Variants in MMRN2 observed in about 807,000 individuals in gnomAD.
The protein encoded by MMRN2 is multimerin 2.
In MMRN2, 53 loss-of-function variants were observed where a neutral mutation model predicts 68.8. That is an observed-to-expected ratio of 0.77 (90% CI 0.62 to 0.97). The LOEUF is 0.97. MMRN2 is among the 50% of genes least tolerant of loss of function. MMRN2 has a pLI of 0.00. For synonymous variants in MMRN2, 564 were observed against 551.6 expected (o/e 1.02, Z -0.32); for missense variants, 1,266 against 1,259.5 (o/e 1.01, Z -0.08).
At position 86,945,601 on chromosome 10, in the gene MMRN2, A is replaced by G. The variant is rs1194528297; in HGVS notation, c.253T>C (p.Cys85Arg). 6.2e-7 allele frequency: 1 copy of G among 1,611,190 alleles called. No homozygotes were observed. The highest frequency in any genetic ancestry group is 2.2e-5 in the East Asian group (1 of 44,856). Residue 85 changes from cysteine (C) to arginine (R), a missense_variant, in exon 2 of 7, where the codon TGT (cysteine) becomes CGT (arginine). Coordinates refer to ENST00000372027, the MANE Select transcript of MMRN2 (RefSeq NM_024756.3). Reference protein sequence around the residue: ...EKFLIHSQQPCPQGAPDCQKV... With the variant: ...EKFLIHSQQPRPQGAPDCQKV... Reference sequence around the variant, plus strand: ...TGGCAGTCTGGAGCTCCCTGCGGACACGGCTGCTGCGAGTGGATGAGGAAT... The same window carrying G: ...TGGCAGTCTGGAGCTCCCTGCGGACGCGGCTGCTGCGAGTGGATGAGGAAT...
At chr10:86,954,415 G>A (rs1276205196) in intron 1 of MMRN2, among the ~76,000 whole-genome samples, 1 of 152,198 alleles carries the variant, frequency 6.6e-6, no homozygotes, top group Non-Finnish European at 1.5e-5. Context: ...CCCCATCATC[G>A]AAATGCGAAG....
At chr10:86,949,918 C>T (rs1033752730) in intron 1 of MMRN2, 5 of 127,614 alleles carry the variant, frequency 3.9e-5, no homozygotes, top group African/African-American at 1.4e-4. Flanking sequence ...TAATAATAGT[C>T]TTGGGCCAGG....
chr10:86,944,330 G>A lies in MMRN2; in HGVS notation c.587C>T (p.Pro196Leu). 6.2e-7 allele frequency: 1 copy of A among 1,613,924 alleles called. No homozygotes were observed. Among genetic ancestry groups the A allele is most frequent in the Non-Finnish European group, 8.5e-7 (1 of 1,179,982 alleles). ...NDVHRVADSL[P>L]GLWKALPGNL... The stretch of plus-strand genomic sequence containing the variant: ...ACCAGGCAGGGCTTTCCACAGGCCT[G>A]GCAGGCTGTCTGCCACCCGGTGCAC... Residue 196 changes from proline (P) to leucine (L), a missense_variant, in exon 5 of 7, where the codon CCA becomes CTA. Pro to Leu is a moderately conservative substitution (Grantham distance 98, BLOSUM62 -3). Coordinates refer to ENST00000372027, the MANE Select transcript of MMRN2 (RefSeq NM_024756.3).
At chr10:86,941,691 C>T (rs993077347) in intron 6 of MMRN2, among the ~76,000 whole-genome samples, 1 of 151,278 alleles carries the variant, frequency 6.6e-6, no homozygotes, top group East Asian at 1.9e-4. Flanking sequence ...CCTAGCTACT[C>T]TGGAGGCTGA....
In MMRN2 at chr10:86,943,893, G is replaced by A; in HGVS notation, c.891C>T (p.Val297=). Residue 297 remains valine, a synonymous_variant, in exon 6 of 7, where the codon GTC becomes GTT. Coordinates refer to ENST00000372027, the MANE Select transcript of MMRN2 (RefSeq NM_024756.3). The surrounding 1 kb of genome is among the most constrained non-coding windows in gnomAD (Gnocchi z 4.2). ...GACCCACTCTCTGAGTGTTCTCCTG[G>A]ACCTTGGCCTCAAATTTGGCACCAA... ...QELGAKFEAK[V]QENTQRVGQL... 1 of 1,614,036 alleles carries A rather than the reference G, an allele frequency of 6.2e-7. No homozygotes were observed. Among genetic ancestry groups the A allele is most frequent in the Non-Finnish European group, 8.5e-7 (1 of 1,180,038 alleles).
intron 1 of MMRN2, chr10:86,948,602 G>A (rs1201711250): frequency 6.6e-6 from 1 of 152,166 alleles, no homozygotes; most frequent in Admixed American, 6.5e-5. Context: ...TCTTGCAAAT[G>A]TAACATCCAA....
rs557148491 is a variant in MMRN2 at position 86,945,357 on chromosome 10, C to T, written c.400+13G>A. ...AGAGGTCAAGGGGGGAAGGGGGCCG[C>T]AGGGAGCCCTACCGTGGTGCTCGCA... is the stretch of plus-strand genomic sequence containing the variant. On this transcript the variant is annotated intron_variant, in intron 3 of 6. Transcript: ENST00000372027. The T allele has an allele frequency of 1.2e-6, 2 of 1,600,634 alleles. No individual in the cohort carries two copies. Among genetic ancestry groups the T allele is most frequent in the Non-Finnish European group, 1.7e-6 (2 of 1,173,526 alleles).
chr10:86,937,000 G>A lies in MMRN2; in HGVS notation c.2593C>T (p.Pro865Ser), dbSNP rs1564729537. The A allele has an allele frequency of 6.2e-7, 1 of 1,614,188 alleles. No individual in the cohort carries two copies. Among genetic ancestry groups the A allele is most frequent in the South Asian group, 1.1e-5 (1 of 91,076 alleles). ...GCAAACAGGTAGACACCACGCTCAG[G>A]GGCTCGGAAGTAGCCATGTTCAGGG... ...YFPEHGYFRA[P>S]ERGVYLFAVS... The change falls in exon 7 of 7, where the codon CCT becomes TCT. Residue 865 changes from proline (P) to serine (S), a missense_variant. Transcript: ENST00000372027.
At chr10:86,942,269 G>A (rs1349879786) in intron 6 of MMRN2, 48 bp downstream of exon 6, 6 of 1,532,438 alleles carry the variant, frequency 3.9e-6, no homozygotes, top group Admixed American at 2.1e-5. Flanking sequence ...GCCGGCAGCC[G>A]GCCCTGGCCT....
chr10:86,951,554 G>T (rs1205974766), intron 1 of MMRN2, among the ~76,000 whole-genome samples: 1 of 152,186 alleles, frequency 6.6e-6, no homozygotes, highest in Non-Finnish European at 1.5e-5. Context: ...TACCACAAAA[G>T]AAGTCAATGA....
intron 6 of MMRN2, among the ~76,000 whole-genome samples, chr10:86,940,449 G>A (rs1843951344): frequency 6.6e-6 from 1 of 152,232 alleles, no homozygotes; most frequent in Admixed American, 6.5e-5. Context: ...CAAGAGAGAA[G>A]TGTCAGTGTC....
intron 6 of MMRN2, among the ~76,000 whole-genome samples, chr10:86,939,021 G>A (rs1271324286): frequency 6.6e-6 from 1 of 151,988 alleles, no homozygotes. Context: ...AATTAGCCAG[G>A]CGTGGTGGGG....
At position 86,942,855 on chromosome 10, in the gene MMRN2, G is replaced by A. The variant is rs1054658985; in HGVS notation, c.1929C>T (p.Asp643=). 26 of 1,397,074 alleles carry A rather than the reference G, an allele frequency of 1.9e-5. No homozygotes were observed. Among genetic ancestry groups the A allele is most frequent in the African/African-American group, 1.4e-4 (9 of 66,202 alleles). The allele number at this position is 1,397,074 out of a possible 1,614,324, so 86.5% of individuals were successfully genotyped here. A position where few individuals can be genotyped will look rare whatever the true frequency, so the allele number is the denominator to read the frequency against. Residue 643 remains aspartate (D), a synonymous_variant, in exon 6 of 7, where the codon GAC becomes GAT. Coordinates refer to ENST00000372027, the MANE Select transcript of MMRN2 (RefSeq NM_024756.3). ...CCTGCTCCTGCAGCCCGCTAGCGGC[G>A]TCCTGCAGGGCCACGCGGATCTGCT... The part of the protein sequence containing the change: ...SYEQIRVALQ[D]AASGLQEQAL...
intron 1 of MMRN2, among the ~76,000 whole-genome samples, chr10:86,954,531 C>T (rs971686807): frequency 1.3e-5 from 2 of 152,140 alleles, no homozygotes; most frequent in Non-Finnish European, 2.9e-5. Context: ...TGTGGAGTGC[C>T]TTCCCTTCCC....
chr10:86,956,435 C>T (rs914655355), intron 1 of MMRN2, among the ~76,000 whole-genome samples: 3 of 151,582 alleles, frequency 2.0e-5, no homozygotes, highest in Non-Finnish European at 4.4e-5. Flanking sequence ...TGTAAGTTGG[C>T]CCCCCCCTCA....
At chr10:86,946,230 A>T (rs1368993786) in intron 1 of MMRN2, among the ~76,000 whole-genome samples, 1 of 152,186 alleles carries the variant, frequency 6.6e-6, no homozygotes, top group Non-Finnish European at 1.5e-5. Flanking sequence ...TACAATGGCG[A>T]TCGTAATGCC....
At chr10:86,946,998 G>C (rs1294609506) in intron 1 of MMRN2, among the ~76,000 whole-genome samples, 1 of 152,176 alleles carries the variant, frequency 6.6e-6, no homozygotes, top group African/African-American at 2.4e-5. Flanking sequence ...CTGGGATGAA[G>C]GGAGAAGCCA....
chr10:86,939,007 A>G (rs1034128360), intron 6 of MMRN2, among the ~76,000 whole-genome samples: 10 of 152,040 alleles, frequency 6.6e-5, no homozygotes, highest in African/African-American at 2.4e-4. Context: ...TACTAAAAAT[A>G]CAAAATTAGC....
intron 6 of MMRN2, among the ~76,000 whole-genome samples, chr10:86,941,019 C>T (rs539604618): frequency 2.0e-5 from 3 of 152,348 alleles, no homozygotes; most frequent in South Asian, 4.1e-4. Flanking sequence ...CTAAAGACAG[C>T]GCTCCTCTGC....
Sources: allele counts gnomAD v4.1 joint callset (sites outside exome capture counted in the v4.1 genomes callset), GRCh38; gene constraint gnomAD v4.1.1; non-coding constraint Gnocchi (gnomAD v3.1); transcripts MANE v1.5; gene names NCBI Gene and HGNC (gene_info 2026-07-23, HGNC 2026-07-21).